The following KLHL20 variants were observed in gnomAD, a reference collection of about 807,000 sequenced individuals.
KLHL20 encodes kelch-like protein 20.
Under a neutral mutation model 69.5 loss-of-function variants are expected in KLHL20, and 29 were observed. That is an observed-to-expected ratio of 0.42 (90% confidence interval 0.31 to 0.57). The LOEUF (loss-of-function observed/expected upper bound fraction) is 0.57, where lower values mean the gene tolerates loss of function less well. Among genes scored for constraint, KLHL20 ranks in the 20% least tolerant of loss-of-function variants. KLHL20 has a pLI of 0.18. For synonymous variants in KLHL20, 253 were observed against 265.2 expected (o/e 0.95, Z 0.45); for missense variants, 419 against 776.0 (o/e 0.54, Z 5.47).
chr1:173,781,957 C>T (rs1008272289), intron 10 of KLHL20, 167 bp from the exon 11 acceptor site: 1 of 532,564 alleles, frequency 1.9e-6, no homozygotes, highest in Non-Finnish European at 3.4e-6. Context: ...TTATAGTTCC[C>T]ATAATTTGAT....
At chr1:173,724,192 A>G (rs1255509830) in intron 2 of KLHL20, among the ~76,000 whole-genome samples, 1 of 147,176 alleles carries the variant, frequency 6.8e-6, no homozygotes, top group Non-Finnish European at 1.5e-5. Context: ...TTTTTTTTAG[A>G]GATGGGGCCT....
intron 3 of KLHL20, among the ~76,000 whole-genome samples, chr1:173,735,474 G>C (rs1426791020): frequency 2.0e-5 from 3 of 151,594 alleles, no homozygotes; most frequent in Admixed American, 2.0e-4. Flanking sequence ...AAGAATTTGA[G>C]ATTGATCCTA....
At chr1:173,778,302 AT>A (rs769235931) in intron 10 of KLHL20, among the ~76,000 whole-genome samples, 1 of 144,880 alleles carries the variant, frequency 6.9e-6, no homozygotes, top group Admixed American at 7.1e-5. Flanking sequence ...CCGCTGGGAG[AT>A]TTTTTATTAC....
intron 2 of KLHL20, among the ~76,000 whole-genome samples, chr1:173,730,642 G>A (rs1481318383): frequency 6.6e-6 from 1 of 152,172 alleles, no homozygotes; most frequent in Non-Finnish European, 1.5e-5. Context: ...TTTAATAAAT[G>A]GTGCTGGGAA....
chr1:173,776,539 C>G (rs1346957201), intron 10 of KLHL20, among the ~76,000 whole-genome samples: 1 of 152,036 alleles, frequency 6.6e-6, no homozygotes, highest in Non-Finnish European at 1.5e-5. Context: ...TTTCTTTTAG[C>G]AGTTTCATTG....
intron 4 of KLHL20, among the ~76,000 whole-genome samples, chr1:173,752,191 G>A (rs1039297348): frequency 6.6e-5 from 10 of 150,440 alleles, no homozygotes; most frequent in Admixed American, 2.0e-4. Flanking sequence ...AGCCGAGATC[G>A]TGCCACTGTA....
At position 173,729,313 on chromosome 1, in the gene KLHL20, G is replaced by A. The variant is rs556825148; in HGVS notation, c.24-4400G>A. Among the ~76,000 whole-genome samples the A allele has an allele frequency of 2.4e-4, 36 of 152,210 alleles. 1 individual carries two copies. The South Asian group carries it at 2.5e-3, about 11-fold the overall frequency. ...AGAGGTACAAGGAGGAGCTGGTTCC[G>A]TTCCTTCTGAAACTATTCCAATCAA... On this transcript the variant is annotated intron_variant, in intron 2 of 11. Transcript: ENST00000209884.
chr1:173,727,295 G>C (rs1029982977), intron 2 of KLHL20, among the ~76,000 whole-genome samples: 1 of 152,072 alleles, frequency 6.6e-6, no homozygotes, highest in Non-Finnish European at 1.5e-5. Context: ...GAAAGTGACG[G>C]GGAGAATGGA....
chr1:173,734,528 A>AAT (rs1558189531), intron 3 of KLHL20: 4 of 480,290 alleles, frequency 8.3e-6, no homozygotes, highest in South Asian at 2.5e-5. Flanking sequence ...TTAAAAAAAA[A>AAT]TTTTTAAAAA....
intron 7 of KLHL20, among the ~76,000 whole-genome samples, chr1:173,761,684 C>G (rs193093654): frequency 3.3e-5 from 5 of 152,288 alleles, no homozygotes; most frequent in Admixed American, 3.3e-4. Context: ...ATTCTTCAAA[C>G]TTAATGACAG....
chr1:173,756,828 G>C, intron 6 of KLHL20, 148 bp from the exon 7 acceptor site: 1 of 597,932 alleles, frequency 1.7e-6, no homozygotes, highest in Middle Eastern at 4.0e-4. Context: ...AATCCCAGTG[G>C]AATGAGTTGA....
At chr1:173,727,304 G>C (rs1672023366) in intron 2 of KLHL20, among the ~76,000 whole-genome samples, 1 of 152,074 alleles carries the variant, frequency 6.6e-6, no homozygotes, top group Non-Finnish European at 1.5e-5. Context: ...GGGGAGAATG[G>C]AACCAAGTTG....
At chr1:173,738,159 C>T (rs577098801) in intron 3 of KLHL20, among the ~76,000 whole-genome samples, 5 of 151,888 alleles carry the variant, frequency 3.3e-5, no homozygotes, top group Admixed American at 2.0e-4. Flanking sequence ...CGGCAAACAG[C>T]GACAGTTTGA....
chr1:173,716,365 A>G (rs991176730), intron 2 of KLHL20, among the ~76,000 whole-genome samples: 13 of 152,168 alleles, frequency 8.5e-5, no homozygotes, highest in African/African-American at 2.7e-4. Flanking sequence ...TGGATTTATT[A>G]TAATCTTCAG....
chr1:173,769,861 C>T (rs1341065878), intron 8 of KLHL20, among the ~76,000 whole-genome samples: 1 of 149,630 alleles, frequency 6.7e-6, no homozygotes, highest in Non-Finnish European at 1.5e-5. Flanking sequence ...TATATCAAAA[C>T]ATCTCACATA....
intron 8 of KLHL20, among the ~76,000 whole-genome samples, chr1:173,769,771 A>G (rs766162773): frequency 2.3e-5 from 3 of 127,976 alleles, no homozygotes; most frequent in African/African-American, 3.3e-5. Context: ...ATAGAGTGAG[A>G]CCCTGTCTCA....
At chr1:173,753,744 C>A (rs1200771773) in intron 5 of KLHL20, among the ~76,000 whole-genome samples, 4 of 152,038 alleles carry the variant, frequency 2.6e-5, no homozygotes, top group Non-Finnish European at 5.9e-5. Flanking sequence ...AGTTGAAGAT[C>A]TGCCACTTTC....
At chr1:173,749,861 C>G (rs1043013983) in intron 3 of KLHL20, among the ~76,000 whole-genome samples, 10 of 152,144 alleles carry the variant, frequency 6.6e-5, no homozygotes, top group Non-Finnish European at 1.3e-4. Context: ...AAGATGCAGT[C>G]ATGACTAAAC....
At chr1:173,734,516 A>AT in intron 3 of KLHL20, 2 of 505,378 alleles carry the variant, frequency 4.0e-6, no homozygotes, top group Non-Finnish European at 7.0e-6. Flanking sequence ...TCATAAAAGT[A>AT]TTTAAAAAAA....
Sources: gnomAD v4.1 joint callset for allele counts (sites outside exome capture counted in the v4.1 genomes callset) on GRCh38, gnomAD v4.1.1 for gene constraint, MANE v1.5 for transcripts, NCBI Gene and HGNC (gene_info 2026-07-23, HGNC 2026-07-21) for gene names.